Variants in TMEM51 observed in about 807,000 individuals in gnomAD.
TMEM51 encodes the protein chromosome 1 open reading frame 72.
In TMEM51, 8 loss-of-function variants were observed where a neutral mutation model predicts 13.6. The observed-to-expected ratio is 0.59, with a 90% CI of 0.35 to 1.07. The LOEUF (loss-of-function observed/expected upper bound fraction) is 1.07. Ranked by LOEUF, TMEM51 falls within the 50% of genes least tolerant of loss-of-function variation. The pLI, the probability that TMEM51 is intolerant of heterozygous loss-of-function variation, is 0.02. For synonymous variants in TMEM51, 147 were observed against 144.4 expected (o/e 1.02, Z -0.13); for missense variants, 279 against 330.7 (o/e 0.84, Z 1.21).
intron 1 of TMEM51, among the ~76,000 whole-genome samples, chr1:15,191,195 C>T (rs1415276039): frequency 6.6e-6 from 1 of 152,200 alleles, no homozygotes; most frequent in Non-Finnish European, 1.5e-5. Flanking sequence ...AAGAAGGTTC[C>T]AGCAGCCAAC....
At position 15,168,696 on chromosome 1, in the gene TMEM51, G is replaced by T. The variant is rs914707389; in HGVS notation, c.-267+14742G>T. 18 of 1,304,346 alleles carry T rather than the reference G, an allele frequency of 1.4e-5. No homozygotes were observed. The African/African-American group carries it at 2.6e-4, about 19-fold the overall frequency. The allele number at this position is 1,304,346 out of a possible 1,614,324, so 80.8% of individuals were successfully genotyped here. A position where few individuals can be genotyped will look rare whatever the true frequency, so the allele number is the denominator to read the frequency against. ...GTTGGTAGCTTAGAACACGCGTACT[G>T]TCTCTCCCAGGGTGAGCCAGTGACT... On this transcript the variant is annotated intron_variant, in intron 1 of 3. Transcript: ENST00000376008.
chr1:15,202,797 A>G (rs1573436770), intron 1 of TMEM51, among the ~76,000 whole-genome samples: 1 of 152,264 alleles, frequency 6.6e-6, no homozygotes, highest in Middle Eastern at 3.4e-3. Context: ...TAGGACCCGG[A>G]TATCTTTGAA....
chr1:15,164,545 T>C, intron 1 of TMEM51: 1 of 449,064 alleles, frequency 2.2e-6, no homozygotes, highest in Non-Finnish European at 4.5e-6. Context: ...GACATCAGCC[T>C]TGGTCACTTG....
intron 1 of TMEM51, among the ~76,000 whole-genome samples, chr1:15,197,997 A>T (rs1056871017): frequency 6.7e-6 from 1 of 148,608 alleles, no homozygotes; most frequent in Admixed American, 6.7e-5. Flanking sequence ...ATAAACCTTT[A>T]TTTTTCTCTT....
At chr1:15,203,700 A>C (rs1644199707) in intron 1 of TMEM51, among the ~76,000 whole-genome samples, 1 of 152,200 alleles carries the variant, frequency 6.6e-6, no homozygotes, top group African/African-American at 2.4e-5. Flanking sequence ...CTCAGTGCTT[A>C]GATCAGGACT....
chr1:15,156,610 C>A (rs977709527), intron 1 of TMEM51, among the ~76,000 whole-genome samples: 3 of 152,206 alleles, frequency 2.0e-5, no homozygotes, highest in African/African-American at 7.2e-5. Flanking sequence ...CCTCTTGCAG[C>A]GAAAGCTGTG....
intron 2 of TMEM51, among the ~76,000 whole-genome samples, chr1:15,213,911 G>A (rs935830492): frequency 2.6e-5 from 4 of 151,866 alleles, no homozygotes; most frequent in East Asian, 1.9e-4. Flanking sequence ...GCACAATCTC[G>A]GCTCACTGCA....
intron 1 of TMEM51, among the ~76,000 whole-genome samples, chr1:15,176,758 C>G (rs1643467846): frequency 6.6e-6 from 1 of 152,170 alleles, no homozygotes; most frequent in African/African-American, 2.4e-5. Flanking sequence ...CCCTGGGGAG[C>G]TGGGGCTTTA....
chr1:15,187,523 G>C (rs919462477), intron 1 of TMEM51, among the ~76,000 whole-genome samples: 1 of 152,200 alleles, frequency 6.6e-6, no homozygotes, highest in Non-Finnish European at 1.5e-5. Context: ...CCCAGGGGCT[G>C]TCTGCCTGCT....
chr1:15,219,490 C>T lies in TMEM51; in HGVS notation c.509C>T (p.Thr170Ile), dbSNP rs1306334025. 1.2e-6 allele frequency: 2 copies of T among 1,614,118 alleles called. No homozygotes were observed. The highest frequency in any genetic ancestry group is 2.2e-5 in the South Asian group (2 of 91,090). Residue 170 changes from threonine to isoleucine, a missense_variant, in exon 4 of 4, where the codon ACC (threonine) becomes ATC (isoleucine). Thr to Ile is a moderately conservative substitution (Grantham distance 89, BLOSUM62 -1). Coordinates refer to ENST00000376008, the MANE Select transcript of TMEM51 (RefSeq NM_001136218.2). ...SYESLTGLDE[T>I]TPTSTRADVE... is the part of the protein sequence containing the mutation. ...GAGTCACTGACGGGGCTCGACGAGA[C>T]CACCCCCACATCCACCAGGGCTGAC...
intron 1 of TMEM51, among the ~76,000 whole-genome samples, chr1:15,157,965 T>G (rs1642644384): frequency 6.6e-6 from 1 of 152,074 alleles, no homozygotes; most frequent in Non-Finnish European, 1.5e-5. Context: ...TGTTGTTGCT[T>G]TTGAAAAAAT....
chr1:15,183,098 C>T (rs866893706), intron 1 of TMEM51, among the ~76,000 whole-genome samples: 1 of 152,156 alleles, frequency 6.6e-6, no homozygotes, highest in Non-Finnish European at 1.5e-5. Flanking sequence ...CAGCATCTTC[C>T]CTGTTGGACT....
intron 1 of TMEM51, among the ~76,000 whole-genome samples, chr1:15,205,253 G>GTCC (rs1644228684): frequency 6.6e-6 from 1 of 152,196 alleles, no homozygotes; most frequent in Non-Finnish European, 1.5e-5. Flanking sequence ...CACTTACGTG[G>GTCC]ATTAGCAAGG....
At chr1:15,186,898 G>A (rs1643795101) in intron 1 of TMEM51, among the ~76,000 whole-genome samples, 1 of 152,130 alleles carries the variant, frequency 6.6e-6, no homozygotes, top group African/African-American at 2.4e-5. Context: ...CAGAAAGTAG[G>A]GGGCAGTCCT....
chr1:15,168,329 A>C, intron 1 of TMEM51: 1 of 758,498 alleles, frequency 1.3e-6, no homozygotes, highest in Non-Finnish European at 1.8e-6. Context: ...TCAGATTCTC[A>C]AAGGGGTCTG....
intron 1 of TMEM51, among the ~76,000 whole-genome samples, chr1:15,182,314 T>C (rs1643645866): frequency 1.3e-5 from 2 of 152,198 alleles, no homozygotes; most frequent in Non-Finnish European, 1.5e-5. Flanking sequence ...GTGTCACTCT[T>C]CCTCTGTGAG....
At chr1:15,165,120 GA>G (rs1406420431) in intron 1 of TMEM51, among the ~76,000 whole-genome samples, 1 of 152,104 alleles carries the variant, frequency 6.6e-6, no homozygotes, top group Non-Finnish European at 1.5e-5. Flanking sequence ...AGTTAGTAAG[GA>G]AAAGCTGAAT....
At chr1:15,174,721 A>C (rs976634009) in intron 1 of TMEM51, among the ~76,000 whole-genome samples, 2 of 152,160 alleles carry the variant, frequency 1.3e-5, no homozygotes, top group Non-Finnish European at 2.9e-5. Context: ...TGGGGGGTGT[A>C]GTTTAAGACC....
intron 3 of TMEM51, among the ~76,000 whole-genome samples, chr1:15,218,379 G>C (rs772580165): frequency 2.0e-5 from 3 of 152,212 alleles, no homozygotes; most frequent in Non-Finnish European, 4.4e-5. Context: ...AGCTCACGCA[G>C]CATGTCGCTA....
Sources: gnomAD v4.1 joint callset for allele counts (sites outside exome capture counted in the v4.1 genomes callset) on GRCh38, gnomAD v4.1.1 for gene constraint, MANE v1.5 for transcripts, NCBI Gene and HGNC (gene_info 2026-07-23, HGNC 2026-07-21) for gene names.